OSBPL10: variants seen among roughly 807,000 people sequenced by gnomAD.
OSBPL10 encodes oxysterol-binding protein-related protein 10.
A neutral mutation model predicts 81.7 loss-of-function variants in OSBPL10; 49 were observed. That is an observed-to-expected ratio of 0.60 (90% CI 0.48 to 0.76). The LOEUF is 0.76. Among genes scored for constraint, OSBPL10 ranks in the 30% least tolerant of loss-of-function variants. OSBPL10 has a pLI of 0.00. For synonymous variants in OSBPL10, 419 were observed against 383.6 expected, an observed-to-expected ratio of 1.09 and a Z score of -1.08; for missense variants, 923 against 987.8, an observed-to-expected ratio of 0.93 and a Z score of 0.88.
chr3:31,989,338 G>T (rs1319770961), intron 2 of OSBPL10: 1 of 1,614,218 alleles, frequency 6.2e-7, no homozygotes, highest in South Asian at 1.1e-5. Flanking sequence ...AGTGGACACA[G>T]GGACATTAGA....
chr3:31,697,241 C>T (rs771898414), intron 7 of OSBPL10, among the ~76,000 whole-genome samples: 4 of 152,128 alleles, frequency 2.6e-5, no homozygotes, highest in African/African-American at 7.2e-5. Flanking sequence ...GAAGAACACA[C>T]GGAGAGGGAA....
At chr3:31,698,476 A>G (rs368245786) in intron 7 of OSBPL10, among the ~76,000 whole-genome samples, 34 of 140,980 alleles carry the variant, frequency 2.4e-4, no homozygotes, top group African/African-American at 8.3e-4. Context: ...AAATAAAACA[A>G]AAATACAAGT....
chr3:32,008,664 C>T (rs1435806389), intron 2 of OSBPL10, among the ~76,000 whole-genome samples: 1 of 150,066 alleles, frequency 6.7e-6, no homozygotes, highest in Non-Finnish European at 1.5e-5. Context: ...GTGAGAGGAT[C>T]GCTTAAGCCC....
At chr3:32,044,665 C>T (rs1331805753) in intron 2 of OSBPL10, among the ~76,000 whole-genome samples, 1 of 144,474 alleles carries the variant, frequency 6.9e-6, no homozygotes, top group Non-Finnish European at 1.5e-5. Flanking sequence ...GGCTTGAACC[C>T]GGGAGGCAGA....
chr3:31,865,076 A>G (rs1052218810), intron 3 of OSBPL10, among the ~76,000 whole-genome samples: 2 of 152,148 alleles, frequency 1.3e-5, no homozygotes, highest in Non-Finnish European at 2.9e-5. Flanking sequence ...AGAAGAAAAG[A>G]AGGGAGGGAG....
chr3:31,783,733 G>A (rs1698764040), intron 4 of OSBPL10, among the ~76,000 whole-genome samples: 3 of 137,500 alleles, frequency 2.2e-5, no homozygotes, highest in African/African-American at 5.4e-5. Context: ...GGAGGTTGCA[G>A]TGAGCTGAGA....
At chr3:31,983,828 A>G (rs1698896576), upstream of OSBPL10, among the ~76,000 whole-genome samples, 1 of 152,256 alleles carries the variant, frequency 6.6e-6, no homozygotes. Flanking sequence ...TTTGGAAAAT[A>G]CATAATAAGT....
intron 1 of OSBPL10, among the ~76,000 whole-genome samples, chr3:31,881,493 C>G (rs2125641316): frequency 6.6e-6 from 1 of 151,986 alleles, no homozygotes; most frequent in South Asian, 2.1e-4. Flanking sequence ...CTTTTGATGC[C>G]ATCATATTTT....
intron 7 of OSBPL10, among the ~76,000 whole-genome samples, chr3:31,701,184 G>A (rs937067996): frequency 2.4e-4 from 37 of 152,154 alleles, no homozygotes; most frequent in African/African-American, 7.5e-4. Flanking sequence ...CACTACTGCC[G>A]CTTCCCTCTC....
At position 31,661,108 on chromosome 3, in the gene OSBPL10, A is replaced by C. The variant is rs913269624; in HGVS notation, c.*964T>G. ...ACCATGGAATATTTATGCAGGCGTT[A>C]TGTATGTTTTAGTCACAGTGCTTTC... On this transcript the variant is annotated 3_prime_UTR_variant, in exon 12 of 12. Coordinates refer to ENST00000396556, the MANE Select transcript of OSBPL10 (RefSeq NM_017784.5). 1 of 152,626 alleles carries C rather than the reference A, an allele frequency of 6.6e-6. No homozygotes were observed. The highest frequency in any genetic ancestry group is 2.4e-5 in the African/African-American group (1 of 41,448). 9.5% of individuals were successfully genotyped at this position (152,626 alleles called of 1,614,324 possible).
intron 4 of OSBPL10, among the ~76,000 whole-genome samples, chr3:31,812,730 GAA>G (rs1261567593): frequency 1.2e-4 from 2 of 17,160 alleles, no homozygotes; most frequent in East Asian, 4.0e-3. Flanking sequence ...AAGAAAGAAA[GAA>G]AGAAAGAAAG....
At chr3:31,681,941 G>A (rs1002561972) in intron 8 of OSBPL10, among the ~76,000 whole-genome samples, 24 of 152,062 alleles carry the variant, frequency 1.6e-4, no homozygotes, top group African/African-American at 5.6e-4. Flanking sequence ...CTTCAAAGTA[G>A]CCCAATACCC....
At chr3:31,970,160 C>T (rs62244385) in intron 1 of OSBPL10, among the ~76,000 whole-genome samples, 11,935 of 152,226 alleles carry the variant, frequency 0.078, 675 homozygotes, top group East Asian at 0.3. Context: ...ACCTGTAAAA[C>T]TGCGATTCTA....
chr3:32,073,476 G>C (rs1699849680), intron 1 of OSBPL10, among the ~76,000 whole-genome samples: 1 of 152,118 alleles, frequency 6.6e-6, no homozygotes, highest in East Asian at 1.9e-4. Flanking sequence ...GTATCCATCA[G>C]ACAGACAGCC....
At chr3:31,859,431 T>A (rs780125314) in intron 3 of OSBPL10, among the ~76,000 whole-genome samples, 6 of 152,224 alleles carry the variant, frequency 3.9e-5, no homozygotes, top group Non-Finnish European at 7.3e-5. Flanking sequence ...ACATCCTTTA[T>A]AATAAACTGG....
chr3:31,877,322 T>C (rs72851821), intron 2 of OSBPL10, among the ~76,000 whole-genome samples: 3,942 of 152,254 alleles, frequency 0.026, 153 homozygotes, highest in African/African-American at 0.088. Flanking sequence ...CAAAGATTCA[T>C]ACGATTGCAA....
intron 1 of OSBPL10, among the ~76,000 whole-genome samples, chr3:32,060,233 T>G (rs918472731): frequency 3.9e-5 from 6 of 152,196 alleles, no homozygotes; most frequent in Non-Finnish European, 5.9e-5. Flanking sequence ...TAAAACAAAC[T>G]GAATGATGAA....
chr3:31,788,322 T>G (rs1043988257), intron 4 of OSBPL10, among the ~76,000 whole-genome samples: 4 of 152,224 alleles, frequency 2.6e-5, no homozygotes, highest in African/African-American at 9.6e-5. Flanking sequence ...AGAAGATAAC[T>G]ATTATCAGTG....
chr3:31,875,516 C>T (rs548565896), intron 3 of OSBPL10, among the ~76,000 whole-genome samples: 43 of 148,894 alleles, frequency 2.9e-4, no homozygotes, highest in African/African-American at 1.0e-3. Context: ...AGGTAAGTGC[C>T]ACTATCCTAA....
Sources: allele counts gnomAD v4.1 joint callset (sites outside exome capture counted in the v4.1 genomes callset), GRCh38; gene constraint gnomAD v4.1.1; transcripts MANE v1.5; gene names NCBI Gene and HGNC (gene_info 2026-07-23, HGNC 2026-07-21).